Variants in PIK3CB observed in about 807,000 individuals in gnomAD.
The protein encoded by PIK3CB is phosphatidylinositol 4,5-bisphosphate 3-kinase catalytic subunit beta isoform.
PIK3CB carries 39 observed loss-of-function variants against 136.8 expected under a neutral mutation model. The ratio of observed to expected loss-of-function variants is 0.29; its 90% CI spans 0.22 to 0.37. PIK3CB has a LOEUF of 0.37. Ranked by LOEUF, PIK3CB falls within the 10% of genes least tolerant of loss-of-function variation. The pLI is 1.00. For synonymous variants in PIK3CB, 428 were observed against 436.6 expected, an observed-to-expected ratio of 0.98 and a Z score of 0.25; for missense variants, 868 against 1,275.4, an observed-to-expected ratio of 0.68 and a Z score of 4.87.
At chr3:138,765,877 G>C (rs2045726730) in intron 2 of PIK3CB, among the ~76,000 whole-genome samples, 1 of 151,980 alleles carries the variant, frequency 6.6e-6, no homozygotes, top group Admixed American at 6.6e-5. Context: ...TGGGGCGAAA[G>C]AAAAAAAGTT....
chr3:138,746,336 C>T (rs2045353457), intron 4 of PIK3CB, among the ~76,000 whole-genome samples: 2 of 151,932 alleles, frequency 1.3e-5, no homozygotes, highest in South Asian at 4.2e-4. Flanking sequence ...TCTCCTGTTA[C>T]CTTGATTTTT....
chr3:138,791,830 T>C (rs1217034753), intron 2 of PIK3CB, among the ~76,000 whole-genome samples: 1 of 152,222 alleles, frequency 6.6e-6, no homozygotes, highest in Non-Finnish European at 1.5e-5. Flanking sequence ...TTCCCTAACT[T>C]TACCTTAGTA....
At chr3:138,707,324 T>C (rs1398995987) in intron 10 of PIK3CB, 35 bp from the exon 11 acceptor site, 4 of 1,577,988 alleles carry the variant, frequency 2.5e-6, no homozygotes, top group South Asian at 1.2e-5. Context: ...TCTTAAAAAA[T>C]GTCTTTAAAA....
Position 138,830,661 on chromosome 3 carries a change from A to T in PIK3CB, c.-122+4034T>A, listed in dbSNP as rs1933986305. On this transcript the variant is annotated intron_variant, in intron 1 of 23. Coordinates refer to ENST00000674063, the MANE Select transcript of PIK3CB (RefSeq NM_006219.3). ...ACGCCTGTAATCCCAGCACTTTGGG[A>T]GGCCGAGATGGGCGGATCACGAGGT... 1.3e-5 allele frequency among the ~76,000 whole-genome samples: 2 copies of T among 152,072 alleles called. 1 individual carries two copies. Among genetic ancestry groups the T allele is most frequent in the South Asian group, 4.1e-4 (2 of 4,830 alleles).
intron 5 of PIK3CB, among the ~76,000 whole-genome samples, chr3:138,741,787 C>A (rs1015759958): frequency 5.9e-5 from 9 of 151,506 alleles, no homozygotes; most frequent in African/African-American, 2.2e-4. Flanking sequence ...AAGATTGCGC[C>A]ATCGCACTCC....
chr3:138,813,536 G>A (rs1933170456), intron 1 of PIK3CB, among the ~76,000 whole-genome samples: 1 of 150,128 alleles, frequency 6.7e-6, no homozygotes, highest in African/African-American at 2.5e-5. Context: ...TCCTGCCTCA[G>A]CCTCCCGAGT....
chr3:138,754,231 G>C (rs2045524323), intron 4 of PIK3CB, among the ~76,000 whole-genome samples: 1 of 152,130 alleles, frequency 6.6e-6, no homozygotes, highest in South Asian at 2.1e-4. Flanking sequence ...GAGTCCAGGA[G>C]TTTGAGACCA....
At position 138,715,305 on chromosome 3, in the gene PIK3CB, T is replaced by C. The variant is rs145831339; in HGVS notation, c.1051-586A>G. ...GGGCCAGAGTGATGCAGGGCATGCG[T>C]AAGATGTCCCAGACAATTTTACTCA... On this transcript the variant is annotated intron_variant, in intron 8 of 23. Coordinates refer to ENST00000674063, the MANE Select transcript of PIK3CB (RefSeq NM_006219.3). Among the ~76,000 whole-genome samples, 275 of 152,346 alleles carry C rather than the reference T, an allele frequency of 1.8e-3. 1 individual carries two copies. The highest frequency in any genetic ancestry group is 0.01 in the Middle Eastern group (3 of 294).
chr3:138,827,674 G>C (rs1410733762), intron 1 of PIK3CB, among the ~76,000 whole-genome samples: 1 of 151,618 alleles, frequency 6.6e-6, no homozygotes, highest in Non-Finnish European at 1.5e-5. Flanking sequence ...ACCAGACCTG[G>C]TCTCTTCAAA....
intron 12 of PIK3CB, among the ~76,000 whole-genome samples, chr3:138,699,350 T>A (rs960024912): frequency 2.0e-5 from 3 of 151,980 alleles, no homozygotes; most frequent in African/African-American, 7.2e-5. Context: ...GCTTTTTGGA[T>A]AAAAATCCAA....
rs937835812 is a variant in PIK3CB at position 138,771,734 on chromosome 3, T to C, written c.-16-12375A>G. ...AACATCTGCACCAGCCTGGGCAACA[T>C]AGTGAGACCCCATCTCTACAAAAAT... On this transcript the variant is annotated intron_variant, in intron 2 of 23. Transcript: ENST00000674063. Among the ~76,000 whole-genome samples the C allele has an allele frequency of 5.9e-5, 9 of 152,138 alleles. No individual in the cohort carries two copies. In the Middle Eastern group the frequency reaches 0.01, roughly 172 times the overall value.
intron 3 of PIK3CB, 29 bp from the exon 4 acceptor site, chr3:138,756,008 A>T: frequency 2.4e-6 from 3 of 1,267,266 alleles, no homozygotes; most frequent in Non-Finnish European, 3.5e-6. Flanking sequence ...CATTTTCTGG[A>T]ATGGAAACAC....
At chr3:138,730,986 C>T (rs191811926) in intron 8 of PIK3CB, among the ~76,000 whole-genome samples, 1 of 152,130 alleles carries the variant, frequency 6.6e-6, no homozygotes, top group Admixed American at 6.6e-5. Context: ...CTACTATTTA[C>T]TAATCCAGAG....
intron 3 of PIK3CB, 76 bp from the exon 4 acceptor site, chr3:138,756,055 C>T: frequency 1.5e-6 from 1 of 645,702 alleles, no homozygotes; most frequent in Admixed American, 2.9e-5. Flanking sequence ...ATGCTCACTG[C>T]AGCACTGTTT....
chr3:138,750,462 G>T (rs1657781723), intron 4 of PIK3CB, among the ~76,000 whole-genome samples: 1 of 152,152 alleles, frequency 6.6e-6, no homozygotes, highest in South Asian at 2.1e-4. Flanking sequence ...CACATGTGCA[G>T]TTCACAATAG....
At chr3:138,751,848 G>A (rs1044501649) in intron 4 of PIK3CB, among the ~76,000 whole-genome samples, 4 of 151,644 alleles carry the variant, frequency 2.6e-5, no homozygotes, top group Non-Finnish European at 2.9e-5. Flanking sequence ...ATGCAATCCT[G>A]TAATCCCAGC....
chr3:138,656,336 C>A, intron 22 of PIK3CB, 62 bp from the exon 23 acceptor site: 2 of 1,554,398 alleles, frequency 1.3e-6, no homozygotes, highest in Admixed American at 1.8e-5. Flanking sequence ...ACATTTCATA[C>A]AGGAAATTAA....
rs578158759 is a variant in PIK3CB, at chr3:138,772,468, A to AT, written c.-16-13110dup. On this transcript the variant is annotated intron_variant, in intron 2 of 23. Transcript: ENST00000674063. ...AAAAATTATTTTATTTTATTTATTT[A>AT]TTTTTTTGAGACAGGGTCTTACTCT... Among the ~76,000 whole-genome samples the AT allele has an allele frequency of 3.3e-4, 50 of 151,620 alleles. No individual in the cohort carries two copies. The South Asian group carries it at 9.8e-3, about 30-fold the overall frequency.
chr3:138,822,393 AAAAGTTAGCCGGGCAT>A (rs1295106195), intron 1 of PIK3CB, among the ~76,000 whole-genome samples: 3 of 151,940 alleles, frequency 2.0e-5, no homozygotes, highest in African/African-American at 7.3e-5. Context: ...TAAAAAATAC[AAAAGTTAGCCGGGCAT>A]GGTGGCATGC....
Sources: gnomAD v4.1 joint callset for allele counts (sites outside exome capture counted in the v4.1 genomes callset) on GRCh38, gnomAD v4.1.1 for gene constraint, MANE v1.5 for transcripts, NCBI Gene and HGNC (gene_info 2026-07-23, HGNC 2026-07-21) for gene names.